Variants in UBE2G2 observed in about 807,000 individuals in gnomAD.
UBE2G2 encodes the protein ubiquitin-conjugating enzyme E2 G2.
A neutral mutation model predicts 23.0 loss-of-function variants in UBE2G2; 10 were observed. The observed-to-expected ratio is 0.43, with a 90% CI of 0.27 to 0.74. The LOEUF (loss-of-function observed/expected upper bound fraction) is 0.74. Ranked by LOEUF, UBE2G2 falls within the 30% of genes least tolerant of loss-of-function variation. The pLI is 0.19. For missense variants in UBE2G2, 150 were observed against 218.3 expected (o/e 0.69, Z 1.97); for synonymous variants, 86 against 81.3 (o/e 1.06, Z -0.31).
At position 44,771,737 on chromosome 21, in the gene UBE2G2, CT is replaced by C. The variant is rs2082876575; in HGVS notation, c.386-249del. On this transcript the variant is annotated intron_variant, in intron 5 of 5. Coordinates refer to ENST00000345496, the MANE Select transcript of UBE2G2 (RefSeq NM_003343.6). The surrounding 1 kb of genome is among the most constrained non-coding windows in gnomAD (Gnocchi z 4.6). ...GACACCAGGACAAGTTGTCATCTGT[CT>C]TGCTGTGGAACATGCGACAACCACC... 6.6e-6 allele frequency among the ~76,000 whole-genome samples: 1 copy of C among 152,182 alleles called. No homozygotes were observed. The highest frequency in any genetic ancestry group is 2.1e-4 in the South Asian group (1 of 4,828).
intron 3 of UBE2G2, among the ~76,000 whole-genome samples, chr21:44,786,556 T>C (rs2082998322): frequency 6.6e-6 from 1 of 152,186 alleles, no homozygotes; most frequent in South Asian, 2.1e-4. Flanking sequence ...CAATTTAACC[T>C]CCACAGACAA....
chr21:44,780,164 T>C (rs1306400729), intron 3 of UBE2G2, among the ~76,000 whole-genome samples: 1 of 152,242 alleles, frequency 6.6e-6, no homozygotes, highest in Admixed American at 6.5e-5. Context: ...CGCCCACATC[T>C]TAAATATCAA....
intron 1 of UBE2G2, among the ~76,000 whole-genome samples, chr21:44,798,798 T>C (rs1405560403): frequency 1.3e-5 from 2 of 152,202 alleles, no homozygotes; most frequent in Non-Finnish European, 2.9e-5. Context: ...TATGGTGACC[T>C]CCCATGAATC....
intron 1 of UBE2G2, 107 bp downstream of exon 1, chr21:44,801,599 C>G: frequency 7.2e-7 from 1 of 1,379,404 alleles, no homozygotes. Context: ...GGTGGAGGCC[C>G]CGGGCCCGGC....
At chr21:44,774,123 C>T (rs1342081569) in intron 4 of UBE2G2, 1 of 154,848 alleles carries the variant, frequency 6.5e-6, no homozygotes, top group Non-Finnish European at 1.4e-5. Flanking sequence ...AATATATGTT[C>T]ACATGGCTAT....
chr21:44,782,723 C>G (rs1266847703), intron 3 of UBE2G2, among the ~76,000 whole-genome samples: 1 of 152,174 alleles, frequency 6.6e-6, no homozygotes, highest in African/African-American at 2.4e-5. Context: ...GCTGAGACAA[C>G]TGGATAACCA....
intron 1 of UBE2G2, among the ~76,000 whole-genome samples, chr21:44,792,602 A>G (rs1555963087): frequency 1.3e-5 from 2 of 152,196 alleles, no homozygotes; most frequent in Non-Finnish European, 2.9e-5. Flanking sequence ...CTGTGAGTCA[A>G]CTAAACCTCT....
Position 44,771,362 on chromosome 21 carries a change from G to A in UBE2G2, c.*15C>T. 6.2e-7 allele frequency: 1 copy of A among 1,609,886 alleles called. No individual in the cohort carries two copies. The highest frequency in any genetic ancestry group is 8.5e-7 in the Non-Finnish European group (1 of 1,178,198). ...GCTGCTTGGCGGTGTGTGCGCGCCT[G>A]TGCGAGGCCAGGTCTCACAGTCCCA... On this transcript the variant is annotated 3_prime_UTR_variant, in exon 6 of 6. Transcript: ENST00000345496. The surrounding 1 kb of genome is among the most constrained non-coding windows in gnomAD (Gnocchi z 4.6).
intron 1 of UBE2G2, among the ~76,000 whole-genome samples, chr21:44,796,011 C>T (rs1252392471): frequency 6.6e-6 from 1 of 152,164 alleles, no homozygotes; most frequent in Non-Finnish European, 1.5e-5. Context: ...TCCCCTCGAG[C>T]CCTCAAGAGG....
rs553034320 is a variant in UBE2G2, at chr21:44,793,560, G to A, written c.44-5465C>T. Among the ~76,000 whole-genome samples, 30 of 84,088 alleles carry A rather than the reference G, an allele frequency of 3.6e-4. No individual in the cohort carries two copies. The South Asian group carries it at 0.013, about 37-fold the overall frequency. 55.2% of individuals were successfully genotyped at this position (84,088 alleles called of 152,430 possible). On this transcript the variant is annotated intron_variant, in intron 1 of 5. Transcript: ENST00000345496. ...TCAGAGGCTGGAGGGAATGGTTCAG[G>A]GCACTTATTTTTTCCATTTTGTTTT... is the stretch of plus-strand genomic sequence containing the variant.
In UBE2G2 at chr21:44,787,833, T is replaced by G; in HGVS notation, c.125+87A>C. The G allele has an allele frequency of 4.7e-6, 7 of 1,483,592 alleles. No homozygotes were observed. The South Asian group carries it at 8.6e-5, about 18-fold the overall frequency. 91.9% of individuals were successfully genotyped at this position (1,483,592 alleles called of 1,614,324 possible). On this transcript the variant is annotated intron_variant, in intron 3 of 5. Transcript: ENST00000345496. Reference sequence around the variant, plus strand: ...ACTCAGTCTTTTTTCCAGCTGATGCTTTTGGACACAGTCACACTGCTGATG... The same window carrying G: ...ACTCAGTCTTTTTTCCAGCTGATGCGTTTGGACACAGTCACACTGCTGATG...
At chr21:44,801,597 C>T (rs1351707478) in intron 1 of UBE2G2, 109 bp downstream of exon 1, 4 of 1,365,932 alleles carry the variant, frequency 2.9e-6, no homozygotes, top group Non-Finnish European at 3.8e-6. Context: ...ACGGTGGAGG[C>T]CCCGGGCCCG....
chr21:44,800,481 T>C (rs1489677501), intron 1 of UBE2G2: 7 of 152,214 alleles, frequency 4.6e-5, no homozygotes, highest in African/African-American at 1.7e-4. Context: ...GTACTATAAG[T>C]AACCTTGAGA....
chr21:44,793,899 C>G (rs2083064934), intron 1 of UBE2G2, among the ~76,000 whole-genome samples: 1 of 152,126 alleles, frequency 6.6e-6, no homozygotes, highest in Admixed American at 6.6e-5. Context: ...GAGTGTCTAT[C>G]AACAGAGGAC....
In UBE2G2 at chr21:44,772,897, T is replaced by A. The variant is rs1463231073; in HGVS notation, c.385+650A>T. On this transcript the variant is annotated intron_variant, in intron 5 of 5. Transcript: ENST00000345496. This position sits in a 1 kb window ranked among gnomAD's most constrained non-coding sequence, Gnocchi z 5.4. ...CTTCGAAGGCACAGCTCACAGGACA[T>A]CACACCCCCAACTCCAATCCCCAGG... is the stretch of plus-strand genomic sequence containing the variant. Among the ~76,000 whole-genome samples the A allele has an allele frequency of 6.6e-6, 1 of 152,114 alleles. No individual in the cohort carries two copies. Among genetic ancestry groups the A allele is most frequent in the South Asian group, 2.1e-4 (1 of 4,828 alleles).
rs782664072 is a variant in UBE2G2, at chr21:44,773,698, C to G, written c.245-11G>C. Reference sequence around the variant, plus strand: ...TCCCATCAGGGTAGACTGCAAGGGTCAGAGGCAGCCAAGTGAGCCCAGGAA... The same window carrying G: ...TCCCATCAGGGTAGACTGCAAGGGTGAGAGGCAGCCAAGTGAGCCCAGGAA... On this transcript the variant is annotated splice_polypyrimidine_tract_variant and intron_variant, in intron 4 of 5. Coordinates refer to ENST00000345496, the MANE Select transcript of UBE2G2 (RefSeq NM_003343.6). 3.1e-6 allele frequency: 5 copies of G among 1,609,948 alleles called. No homozygotes were observed. In the East Asian group the frequency reaches 8.9e-5, roughly 29 times the overall value.
chr21:44,788,198 T>C lies in UBE2G2; in HGVS notation c.44-103A>G, dbSNP rs1198612125. 8 of 1,096,694 alleles carry C rather than the reference T, an allele frequency of 7.3e-6. No individual in the cohort carries two copies. The East Asian group carries it at 1.5e-4, about 21-fold the overall frequency. The allele number at this position is 1,096,694 out of a possible 1,614,324, so 67.9% of individuals were successfully genotyped here. A position where few individuals can be genotyped will look rare whatever the true frequency, so the allele number is the denominator to read the frequency against. Reference sequence around the variant, plus strand: ...ATATATAAGCCTATAAACCATAGAATATGCATATTAACAAGTGAAAATTCT... The same window carrying C: ...ATATATAAGCCTATAAACCATAGAACATGCATATTAACAAGTGAAAATTCT... On this transcript the variant is annotated intron_variant, in intron 1 of 5. Transcript: ENST00000345496.
chr21:44,796,497 CTA>C (rs1350715031), intron 1 of UBE2G2, among the ~76,000 whole-genome samples: 1 of 152,046 alleles, frequency 6.6e-6, no homozygotes, highest in African/African-American at 2.4e-5. Flanking sequence ...TGAGGACAAA[CTA>C]GATGTTAAGA....
rs1418751576 is a variant in UBE2G2 at position 44,771,037 on chromosome 21, C to A, written c.*340G>T. The A allele has an allele frequency of 1.9e-5, 4 of 216,168 alleles. No individual in the cohort carries two copies. The highest frequency in any genetic ancestry group is 2.8e-5 in the Non-Finnish European group (3 of 107,808). 13.4% of individuals were successfully genotyped at this position (216,168 alleles called of 1,614,324 possible). On this transcript the variant is annotated 3_prime_UTR_variant, in exon 6 of 6. Coordinates refer to ENST00000345496, the MANE Select transcript of UBE2G2 (RefSeq NM_003343.6). This position sits in a 1 kb window ranked among gnomAD's most constrained non-coding sequence, Gnocchi z 4.6. The stretch of plus-strand genomic sequence containing the variant: ...TCGTCCCCTGGAAGTCTGGCAGGTA[C>A]AACCCCCTCAACACTCCAGGGAGGG...
Sources: allele counts gnomAD v4.1 joint callset (sites outside exome capture counted in the v4.1 genomes callset), GRCh38; gene constraint gnomAD v4.1.1; non-coding constraint Gnocchi (gnomAD v3.1); transcripts MANE v1.5; gene names NCBI Gene and HGNC (gene_info 2026-07-23, HGNC 2026-07-21).